MYH15: variants seen among roughly 807,000 people sequenced by gnomAD.
MYH15 encodes the protein myosin-15.
MYH15 carries 227 observed loss-of-function variants against 240.5 expected under a neutral mutation model. The observed-to-expected ratio is 0.94, with a 90% CI of 0.85 to 1.05. The LOEUF (loss-of-function observed/expected upper bound fraction) is 1.05, where lower values mean the gene tolerates loss of function less well. Among genes scored for constraint, MYH15 ranks in the 50% least tolerant of loss-of-function variants. The pLI is 0.00. For synonymous variants in MYH15, 785 were observed against 796.7 expected, an observed-to-expected ratio of 0.99 and a Z score of 0.25; for missense variants, 2,217 against 2,247.5, an observed-to-expected ratio of 0.99 and a Z score of 0.27.
At chr3:108,472,857 G>A (rs536111485) in intron 12 of MYH15, among the ~76,000 whole-genome samples, 1 of 152,088 alleles carries the variant, frequency 6.6e-6, no homozygotes, top group African/African-American at 2.4e-5. Context: ...GAAATGAGGT[G>A]GCTAAATCTA....
chr3:108,520,508 C>T (rs1237664666), intron 1 of MYH15, among the ~76,000 whole-genome samples: 1 of 152,116 alleles, frequency 6.6e-6, no homozygotes, highest in Non-Finnish European at 1.5e-5. Context: ...CTAAATTTGT[C>T]TACTGGTTTT....
At chr3:108,417,123 T>G (rs2082640848) in intron 28 of MYH15, among the ~76,000 whole-genome samples, 193 bp from the exon 29 acceptor site, 1 of 152,206 alleles carries the variant, frequency 6.6e-6, no homozygotes, top group Non-Finnish European at 1.5e-5. Flanking sequence ...AAGAGAGTCC[T>G]AAAAATGAGC....
upstream of MYH15, among the ~76,000 whole-genome samples, chr3:108,513,620 A>G (rs2083537052): frequency 6.6e-6 from 1 of 152,178 alleles, no homozygotes. Flanking sequence ...AGGGGATGCC[A>G]TTAATATTTA....
intron 24 of MYH15, among the ~76,000 whole-genome samples, chr3:108,439,353 C>A (rs1275859437): frequency 1.3e-5 from 2 of 152,166 alleles, no homozygotes; most frequent in Admixed American, 1.3e-4. Context: ...ACACACATGG[C>A]CTTTAAAACT....
the MYH15 span, among the ~76,000 whole-genome samples, chr3:108,534,391 T>G: frequency 6.6e-6 from 1 of 152,186 alleles, no homozygotes; most frequent in East Asian, 1.9e-4. Context: ...ACCAATGACA[T>G]TTAAAGCTAA....
rs76087953 is a variant in MYH15, at chr3:108,421,300, C to T, written c.3703-86G>A. Reference sequence around the variant, plus strand: ...CAAAGGAAGAGGGGAGGAGTGGCTCCAGGGATCCGCATGCTCTCTTCTGTA... The same window carrying T: ...CAAAGGAAGAGGGGAGGAGTGGCTCTAGGGATCCGCATGCTCTCTTCTGTA... On this transcript the variant is annotated intron_variant, in intron 27 of 40. Coordinates refer to ENST00000693548, the MANE Select transcript of MYH15 (RefSeq NM_014981.3). The T allele has an allele frequency of 1.5e-3, 2,247 of 1,461,064 alleles. 32 individuals carry two copies. The African/African-American group carries it at 0.026, about 17-fold the overall frequency. 90.5% of individuals were successfully genotyped at this position (1,461,064 alleles called of 1,614,324 possible). A position where few individuals can be genotyped will look rare whatever the true frequency, so the allele number is the denominator to read the frequency against.
chr3:108,476,561 G>A (rs930804825), intron 11 of MYH15, 46 bp from the exon 12 acceptor site: 22 of 1,238,720 alleles, frequency 1.8e-5, no homozygotes, highest in Non-Finnish European at 2.4e-5. Flanking sequence ...GGAAAACACT[G>A]TTAAGATTCA....
intron 38 of MYH15, among the ~76,000 whole-genome samples, chr3:108,387,330 T>C (rs2107533436): frequency 6.6e-6 from 1 of 152,298 alleles, no homozygotes; most frequent in East Asian, 1.9e-4. Flanking sequence ...AATGTCTTTT[T>C]AAACTTACAG....
rs1443942160 is a variant in MYH15, at chr3:108,441,200, G to A, written c.2716C>T (p.Gln906Ter). 6.2e-7 allele frequency: 1 copy of A among 1,614,042 alleles called. No individual in the cohort carries two copies. The highest frequency in any genetic ancestry group is 8.5e-7 in the Non-Finnish European group (1 of 1,179,968). Residue 906 changes from glutamine (Q) to a stop codon, truncating the protein, a stop_gained, in exon 23 of 41, where the codon CAG becomes TAG. Transcript: ENST00000693548. LOFTEE classifies it high-confidence loss of function. ...AGCTCCTTTACTCTGGCCTCCAGCT[G>A]GATCTTGGATTTAATCAGCCACTCG... ...QCEWLIKSKI[Q>*]LEARVKELSE... is the part of the protein sequence containing the mutation.
rs376434201 is a variant in MYH15, at chr3:108,439,845, C to T, written c.2967G>A (p.Lys989=). 1.2e-6 allele frequency: 2 copies of T among 1,613,016 alleles called. No individual in the cohort carries two copies. The highest frequency in any genetic ancestry group is 1.7e-6 in the Non-Finnish European group (2 of 1,179,578). ...TCTGCTGATGGGCCTCCTGCACAACCTTGGCTGCTCTGTTAAGTTTGCTGA... is the reference window on the plus strand; with the variant it reads ...TCTGCTGATGGGCCTCCTGCACAACTTTGGCTGCTCTGTTAAGTTTGCTGA... ...EDISKLNRAA[K]VVQEAHQQTL... Residue 989 remains lysine (K), a synonymous_variant, in exon 24 of 41, where the codon AAG becomes AAA. Coordinates refer to ENST00000693548, the MANE Select transcript of MYH15 (RefSeq NM_014981.3).
chr3:108,419,857 A>C (rs2082667613), intron 28 of MYH15, among the ~76,000 whole-genome samples: 1 of 151,810 alleles, frequency 6.6e-6, no homozygotes, highest in Admixed American at 6.5e-5. Flanking sequence ...CCTCTTAAGC[A>C]TCAAGAATAC....
At chr3:108,422,343 G>A (rs564094800) in intron 27 of MYH15, among the ~76,000 whole-genome samples, 4 of 151,498 alleles carry the variant, frequency 2.6e-5, no homozygotes, top group Non-Finnish European at 4.4e-5. Context: ...TCAGCCCCCT[G>A]AGTAGGTGGG....
chr3:108,532,108 G>A (rs1013000618), upstream of MYH15, among the ~76,000 whole-genome samples: 27 of 152,120 alleles, frequency 1.8e-4, no homozygotes, highest in African/African-American at 6.5e-4. Context: ...AATTAAAATA[G>A]AACATTTTCC....
At chr3:108,509,235 A>T (rs1192506448) in intron 1 of MYH15, among the ~76,000 whole-genome samples, 1 of 152,234 alleles carries the variant, frequency 6.6e-6, no homozygotes, top group Non-Finnish European at 1.5e-5. Flanking sequence ...GGTCCAAAAA[A>T]TTAACAGGAA....
At chr3:108,502,192 T>C (rs1230872653) in intron 2 of MYH15, among the ~76,000 whole-genome samples, 1 of 152,124 alleles carries the variant, frequency 6.6e-6, no homozygotes, top group Non-Finnish European at 1.5e-5. Flanking sequence ...CTCCCAGCCC[T>C]TGATGTCCCA....
chr3:108,542,619 A>C, the MYH15 span, among the ~76,000 whole-genome samples: 1 of 152,144 alleles, frequency 6.6e-6, no homozygotes, highest in Non-Finnish European at 1.5e-5. Context: ...TAAGCATGTC[A>C]CATGGTGTGC....
chr3:108,430,775 C>A, intron 26 of MYH15, 57 bp downstream of exon 26: 1 of 1,319,720 alleles, frequency 7.6e-7, no homozygotes. Context: ...ATTGAACCAC[C>A]AGTCATCACC....
chr3:108,449,428 A>G (rs1006702882), intron 21 of MYH15, among the ~76,000 whole-genome samples: 6 of 152,040 alleles, frequency 3.9e-5, no homozygotes, highest in Admixed American at 1.3e-4. Context: ...CCAGAAATCA[A>G]TCTATGCATT....
At chr3:108,447,580 GAA>G (rs199837149) in intron 21 of MYH15, among the ~76,000 whole-genome samples, 1 of 143,186 alleles carries the variant, frequency 7.0e-6, no homozygotes, top group African/African-American at 2.6e-5. Flanking sequence ...AGTGCTAAAA[GAA>G]AAAAAAAAAA....
Sources: gnomAD v4.1 joint callset for allele counts (sites outside exome capture counted in the v4.1 genomes callset) on GRCh38, gnomAD v4.1.1 for gene constraint, MANE v1.5 for transcripts, NCBI Gene and HGNC (gene_info 2026-07-23, HGNC 2026-07-21) for gene names.